The following CNTLN variants were observed in gnomAD, a reference collection of about 807,000 sequenced individuals.
CNTLN encodes the protein centlein.
CNTLN carries 212 observed loss-of-function variants against 180.0 expected under a neutral mutation model. The observed-to-expected ratio is 1.18, with a 90% CI of 1.05 to 1.32. The LOEUF (loss-of-function observed/expected upper bound fraction) is 1.32. Among genes scored for constraint, CNTLN ranks in the 40% most tolerant of loss-of-function variants. CNTLN has a pLI of 0.00. For missense variants in CNTLN, 2,095 were observed against 1,610.9 expected (o/e 1.30, Z -5.14); for synonymous variants, 722 against 563.1 (o/e 1.28, Z -3.99).
chr9:17,341,089 G>A, intron 11 of CNTLN, 141 bp downstream of exon 11: 2 of 708,520 alleles, frequency 2.8e-6, no homozygotes, highest in Non-Finnish European at 4.1e-6. Flanking sequence ...TTTAAATGGA[G>A]AATATAACAA....
chr9:17,302,382 A>G (rs947856629), intron 7 of CNTLN, among the ~76,000 whole-genome samples: 7 of 151,952 alleles, frequency 4.6e-5, no homozygotes, highest in African/African-American at 1.7e-4. Flanking sequence ...ACTTTTCGAT[A>G]GAGACTGAGT....
At chr9:17,415,390 G>A (rs1214984316) in intron 16 of CNTLN, among the ~76,000 whole-genome samples, 5 of 151,860 alleles carry the variant, frequency 3.3e-5, no homozygotes, top group Admixed American at 6.6e-5. Flanking sequence ...CTTTTGTTAC[G>A]GTTACCATAT....
chr9:17,517,260 C>T, the CNTLN span, among the ~76,000 whole-genome samples: 3 of 151,798 alleles, frequency 2.0e-5, no homozygotes, highest in African/African-American at 7.3e-5. Context: ...AGTGTGGTGG[C>T]GGGCGCCTGT....
At position 17,301,766 on chromosome 9, in the gene CNTLN, T is replaced by C. The variant is rs976673405; in HGVS notation, c.1146+3414T>C. 1.0e-5 allele frequency: 10 copies of C among 971,518 alleles called. No individual in the cohort carries two copies. The African/African-American group carries it at 1.8e-4, about 17-fold the overall frequency. 60.2% of individuals were successfully genotyped at this position (971,518 alleles called of 1,614,324 possible). Reference sequence around the variant, plus strand: ...CTACAGTTAGTAGACATTACAATTGTTTTGGTGGCTGTATGTAGTTATTTT... The same window carrying C: ...CTACAGTTAGTAGACATTACAATTGCTTTGGTGGCTGTATGTAGTTATTTT... On this transcript the variant is annotated intron_variant, in intron 7 of 25. Coordinates refer to ENST00000380647, the MANE Select transcript of CNTLN (RefSeq NM_017738.4).
chr9:17,148,041 T>C (rs1366106893), intron 2 of CNTLN, among the ~76,000 whole-genome samples: 1 of 151,092 alleles, frequency 6.6e-6, no homozygotes, highest in Non-Finnish European at 1.5e-5. Flanking sequence ...GTGTATATGC[T>C]TTACTTTTTA....
chr9:17,390,448 T>G (rs1475254915), intron 14 of CNTLN, among the ~76,000 whole-genome samples: 1 of 151,934 alleles, frequency 6.6e-6, no homozygotes, highest in African/African-American at 2.4e-5. Context: ...TTCACCATGT[T>G]GGCCAGGCTG....
intron 6 of CNTLN, among the ~76,000 whole-genome samples, chr9:17,287,161 A>T (rs1473003927): frequency 2.0e-5 from 3 of 146,988 alleles, no homozygotes; most frequent in African/African-American, 7.7e-5. Context: ...GATAGCTCTT[A>T]TTATTTTGAA....
chr9:17,368,195 A>T (rs911332404), intron 13 of CNTLN, among the ~76,000 whole-genome samples: 3 of 152,090 alleles, frequency 2.0e-5, no homozygotes, highest in South Asian at 2.1e-4. Context: ...AGGAACATTG[A>T]CAGTGGCCTG....
At position 17,294,633 on chromosome 9, in the gene CNTLN, C is replaced by T. The variant is rs1279774720; in HGVS notation, c.984-3557C>T. 1.7e-4 allele frequency among the ~76,000 whole-genome samples: 25 copies of T among 150,034 alleles called. No homozygotes were observed. The East Asian group carries it at 4.6e-3, about 28-fold the overall frequency. ...AGCTGGCTTCACCCAGTGTATCCCG[C>T]ACAGGGGCCACAGGTGGAGCTGCCT... On this transcript the variant is annotated intron_variant, in intron 6 of 25. Transcript: ENST00000380647.
At chr9:17,183,736 A>G (rs1821263000) in intron 2 of CNTLN, among the ~76,000 whole-genome samples, 1 of 152,130 alleles carries the variant, frequency 6.6e-6, no homozygotes, top group Non-Finnish European at 1.5e-5. Context: ...TGAGATCAAT[A>G]GTATTTAAAG....
At chr9:17,268,916 G>A (rs575006395) in intron 5 of CNTLN, among the ~76,000 whole-genome samples, 8 of 151,892 alleles carry the variant, frequency 5.3e-5, no homozygotes, top group Admixed American at 2.0e-4. Flanking sequence ...GGAGTGACCC[G>A]ATTTTCCAGG....
intron 2 of CNTLN, among the ~76,000 whole-genome samples, chr9:17,145,925 A>G (rs1320837639): frequency 1.3e-5 from 2 of 152,148 alleles, no homozygotes; most frequent in Non-Finnish European, 2.9e-5. Context: ...GCTGAACATA[A>G]TATTTTATGT....
At chr9:17,372,576 A>G (rs1441579849) in intron 13 of CNTLN, among the ~76,000 whole-genome samples, 1 of 152,150 alleles carries the variant, frequency 6.6e-6, no homozygotes, top group Non-Finnish European at 1.5e-5. Context: ...AATCCTACTC[A>G]AGCTATTCCA....
intron 3 of CNTLN, 145 bp from the exon 4 acceptor site, chr9:17,235,513 C>T (rs1587277686): frequency 1.6e-6 from 1 of 619,598 alleles, no homozygotes; most frequent in Non-Finnish European, 2.7e-6. Flanking sequence ...GGGCATGTTA[C>T]AGGAGATGAG....
At chr9:17,156,401 A>G (rs890588845) in intron 2 of CNTLN, among the ~76,000 whole-genome samples, 11 of 152,176 alleles carry the variant, frequency 7.2e-5, no homozygotes, top group African/African-American at 2.7e-4. Flanking sequence ...GGATTGTCTA[A>G]TACCTTTTTT....
Position 17,238,760 on chromosome 9 carries a change from C to A in CNTLN, c.849+2172C>A, listed in dbSNP as rs73416386. 6.4e-3 allele frequency among the ~76,000 whole-genome samples: 976 copies of A among 152,126 alleles called. 11 individuals carry two copies. Among genetic ancestry groups the A allele is most frequent in the African/African-American group, 0.022 (898 of 41,486 alleles). On this transcript the variant is annotated intron_variant, in intron 5 of 25. Coordinates refer to ENST00000380647, the MANE Select transcript of CNTLN (RefSeq NM_017738.4). ...ACTGGGATGTCAGCCATGAACTTTG[C>A]CATGGGTAAGGAAAAGATACTACTT...
chr9:17,448,976 T>C (rs1017858493), intron 18 of CNTLN, among the ~76,000 whole-genome samples: 15 of 152,292 alleles, frequency 9.8e-5, no homozygotes, highest in Middle Eastern at 3.4e-3. Context: ...CAAATAGCGC[T>C]ACCATCCTCT....
chr9:17,375,506 TCTA>T lies in CNTLN; in HGVS notation c.1987+8792_1987+8794del, dbSNP rs370822560. Among the ~76,000 whole-genome samples the T allele has an allele frequency of 2.9e-3, 448 of 152,324 alleles. 4 individuals are homozygous for T. The highest frequency in any genetic ancestry group is 0.01 in the African/African-American group (428 of 41,580). On this transcript the variant is annotated intron_variant, in intron 13 of 25. Coordinates refer to ENST00000380647, the MANE Select transcript of CNTLN (RefSeq NM_017738.4). Reference sequence around the variant, plus strand: ...ACATGTCATCTACCCTGTAGATACATCTACTGTGTACCCACACACAAAAATTCT... The same window carrying T: ...ACATGTCATCTACCCTGTAGATACATCTGTGTACCCACACACAAAAATTCT...
At chr9:17,423,225 G>A (rs1828849005) in intron 18 of CNTLN, among the ~76,000 whole-genome samples, 1 of 152,150 alleles carries the variant, frequency 6.6e-6, no homozygotes, top group Non-Finnish European at 1.5e-5. Flanking sequence ...GTGCCTGGCT[G>A]CCACTGATGT....
Sources: gnomAD v4.1 joint callset for allele counts (sites outside exome capture counted in the v4.1 genomes callset) on GRCh38, gnomAD v4.1.1 for gene constraint, MANE v1.5 for transcripts, NCBI Gene and HGNC (gene_info 2026-07-23, HGNC 2026-07-21) for gene names.